The following SSX2IP variants were observed in gnomAD, a reference collection of about 807,000 sequenced individuals.
The protein encoded by SSX2IP is SSX family member 2 interacting protein.
A neutral mutation model predicts 84.9 loss-of-function variants in SSX2IP; 55 were observed. The ratio of observed to expected loss-of-function variants is 0.65; its 90% CI spans 0.52 to 0.81. SSX2IP has a LOEUF of 0.81. Among genes scored for constraint, SSX2IP ranks in the 30% least tolerant of loss-of-function variants. The pLI is 0.00. For missense variants in SSX2IP, 664 were observed against 705.2 expected, an observed-to-expected ratio of 0.94 and a Z score of 0.66; for synonymous variants, 239 against 234.7, an observed-to-expected ratio of 1.02 and a Z score of -0.17.
intron 4 of SSX2IP, 124 bp from the exon 5 acceptor site, chr1:84,666,356 G>A: frequency 4.5e-6 from 3 of 665,010 alleles, no homozygotes; most frequent in Non-Finnish European, 7.8e-6. Flanking sequence ...AAATGTTAGT[G>A]GCACATGAAA....
chr1:84,688,517 T>C (rs1656110592), intron 1 of SSX2IP, among the ~76,000 whole-genome samples: 1 of 152,192 alleles, frequency 6.6e-6, no homozygotes, highest in Non-Finnish European at 1.5e-5. Flanking sequence ...TCTAGGGGTA[T>C]ACTACATAAA....
At chr1:84,679,741 T>C (rs965125261) in intron 1 of SSX2IP, among the ~76,000 whole-genome samples, 34 of 152,306 alleles carry the variant, frequency 2.2e-4, no homozygotes, top group African/African-American at 7.5e-4. Flanking sequence ...AGGGTACTGG[T>C]TTAATAACAC....
intron 1 of SSX2IP, chr1:84,690,088 G>A (rs1339428156): frequency 1.3e-5 from 2 of 152,216 alleles, no homozygotes; most frequent in Non-Finnish European, 2.9e-5. Context: ...GGCTCCCCGG[G>A]TCAGAGCGCT....
In SSX2IP at chr1:84,650,342, G is replaced by A. The variant is rs370468149; in HGVS notation, c.1670+20C>T. On this transcript the variant is annotated intron_variant, in intron 13 of 13. Transcript: ENST00000342203. ...AGCAATTTTTAGAAACACGTGAAAA[G>A]ATCACCTATAGACAAATACCTATGT... The A allele has an allele frequency of 3.1e-6, 5 of 1,613,764 alleles. No individual in the cohort carries two copies. The highest frequency in any genetic ancestry group is 4.2e-6 in the Non-Finnish European group (5 of 1,179,796).
chr1:84,645,542 G>T lies in SSX2IP; in HGVS notation c.*1891C>A, dbSNP rs571567207. On this transcript the variant is annotated 3_prime_UTR_variant, in exon 14 of 14. Coordinates refer to ENST00000342203, the MANE Select transcript of SSX2IP (RefSeq NM_001166293.2). ...CTGCTTTCTAGAACTCCATTGTCATGAAATATAATATTTGCTAAAATAAGA... is the reference window on the plus strand; with the variant it reads ...CTGCTTTCTAGAACTCCATTGTCATTAAATATAATATTTGCTAAAATAAGA... 2.0e-5 allele frequency: 3 copies of T among 152,156 alleles called. 1 individual carries two copies. In the South Asian group the frequency reaches 6.2e-4, roughly 31 times the overall value. 9.4% of individuals were successfully genotyped at this position (152,156 alleles called of 1,614,324 possible).
intron 1 of SSX2IP, among the ~76,000 whole-genome samples, chr1:84,675,383 T>A (rs1171103308): frequency 6.6e-6 from 1 of 152,200 alleles, no homozygotes; most frequent in Non-Finnish European, 1.5e-5. Context: ...TCTATTAATA[T>A]GATTGGTTAG....
At chr1:84,689,977 T>A (rs1017213021) in intron 1 of SSX2IP, among the ~76,000 whole-genome samples, 1 of 151,692 alleles carries the variant, frequency 6.6e-6, no homozygotes, top group African/African-American at 2.4e-5. Flanking sequence ...CTGCTGAGAC[T>A]CTGCAGCCCC....
chr1:84,688,089 G>A (rs965003082), intron 1 of SSX2IP, among the ~76,000 whole-genome samples: 9 of 152,124 alleles, frequency 5.9e-5, no homozygotes, highest in African/African-American at 2.2e-4. Flanking sequence ...CTTACTAAGC[G>A]TTTAATGAAT....
intron 1 of SSX2IP, chr1:84,690,055 G>A (rs909023453): frequency 6.6e-6 from 1 of 152,136 alleles, no homozygotes; most frequent in Non-Finnish European, 1.5e-5. Context: ...CGCCAACCTT[G>A]CTCCATCCCA....
intron 11 of SSX2IP, among the ~76,000 whole-genome samples, chr1:84,654,728 G>A (rs1481744226): frequency 1.3e-5 from 2 of 152,086 alleles, no homozygotes; most frequent in Non-Finnish European, 2.9e-5. Context: ...TTTGGTTATA[G>A]AATAACATTT....
In SSX2IP at chr1:84,645,660, G is replaced by A. The variant is rs1468061048; in HGVS notation, c.*1773C>T. 6.6e-6 allele frequency: 1 copy of A among 152,124 alleles called. No homozygotes were observed. The highest frequency in any genetic ancestry group is 1.5e-5 in the Non-Finnish European group (1 of 68,024). The allele number at this position is 152,124 out of a possible 1,614,324, so 9.4% of individuals were successfully genotyped here. A position where few individuals can be genotyped will look rare whatever the true frequency, so the allele number is the denominator to read the frequency against. ...TTGTTGCCAAATGTATCCATTAACT[G>A]TATTTAAAATTTCTGATTGCCTTTT... On this transcript the variant is annotated 3_prime_UTR_variant, in exon 14 of 14. Coordinates refer to ENST00000342203, the MANE Select transcript of SSX2IP (RefSeq NM_001166293.2).
chr1:84,661,347 A>G (rs1351812345), intron 8 of SSX2IP, among the ~76,000 whole-genome samples: 1 of 151,948 alleles, frequency 6.6e-6, no homozygotes, highest in Non-Finnish European at 1.5e-5. Flanking sequence ...ACTTTTCACC[A>G]TTATGTGATT....
intron 1 of SSX2IP, among the ~76,000 whole-genome samples, chr1:84,672,659 T>G (rs1013751139): frequency 3.3e-5 from 5 of 152,220 alleles, no homozygotes; most frequent in African/African-American, 9.6e-5. Flanking sequence ...AGATCTGGAC[T>G]GTGGATCAAG....
intron 1 of SSX2IP, among the ~76,000 whole-genome samples, chr1:84,675,471 A>C (rs1654193339): frequency 6.6e-6 from 1 of 152,250 alleles, no homozygotes; most frequent in Non-Finnish European, 1.5e-5. Context: ...GAACTGCATC[A>C]GGCAAACCAG....
intron 1 of SSX2IP, among the ~76,000 whole-genome samples, chr1:84,686,613 G>GA (rs1277782207): frequency 1.3e-5 from 2 of 151,968 alleles, no homozygotes; most frequent in Admixed American, 6.6e-5. Flanking sequence ...AATTCATAAA[G>GA]AAAAAAGGGG....
rs565133486 is a variant in SSX2IP, at chr1:84,646,662, T to G, written c.*771A>C. 8.1e-4 allele frequency: 123 copies of G among 152,670 alleles called. No homozygotes were observed. Among genetic ancestry groups the G allele is most frequent in the African/African-American group, 2.9e-3 (120 of 41,562 alleles). The allele number at this position is 152,670 out of a possible 1,614,324, so 9.5% of individuals were successfully genotyped here. On this transcript the variant is annotated 3_prime_UTR_variant, in exon 14 of 14. Transcript: ENST00000342203. The stretch of plus-strand genomic sequence containing the variant: ...AATAGTCCTTTTAAAAATTATAATA[T>G]TCTACATATACAAAATAAAAATCTA...
At chr1:84,658,092 C>T (rs1651392429) in intron 9 of SSX2IP, 3 of 427,746 alleles carry the variant, frequency 7.0e-6, no homozygotes, top group African/African-American at 2.0e-5. Context: ...GCCGAGATGG[C>T]ACCACTACAC....
At chr1:84,672,028 T>C (rs892108920) in intron 1 of SSX2IP, among the ~76,000 whole-genome samples, 1 of 152,138 alleles carries the variant, frequency 6.6e-6, no homozygotes, top group African/African-American at 2.4e-5. Context: ...TGTGTGGAAT[T>C]AGGATGGCAA....
At chr1:84,687,941 CCTT>C (rs1224736750) in intron 1 of SSX2IP, among the ~76,000 whole-genome samples, 1 of 152,150 alleles carries the variant, frequency 6.6e-6, no homozygotes, top group Non-Finnish European at 1.5e-5. Flanking sequence ...CTGAAATTCT[CCTT>C]CTTTTTGAAA....
Sources: gnomAD v4.1 joint callset for allele counts (sites outside exome capture counted in the v4.1 genomes callset) on GRCh38, gnomAD v4.1.1 for gene constraint, MANE v1.5 for transcripts, NCBI Gene and HGNC (gene_info 2026-07-23, HGNC 2026-07-21) for gene names.